The following STARD13 variants were observed in gnomAD, a reference collection of about 807,000 sequenced individuals.
STARD13 encodes the protein StAR related lipid transfer domain containing 13, also known as stAR-related lipid transfer protein 13.
In STARD13, 62 loss-of-function variants were observed where a neutral mutation model predicts 106.4. The ratio of observed to expected loss-of-function variants is 0.58; its 90% confidence interval spans 0.48 to 0.72. STARD13 has a LOEUF of 0.72. STARD13 is among the 30% of genes least tolerant of loss of function. The pLI is 0.00. For synonymous variants in STARD13, 565 were observed against 553.0 expected (o/e 1.02, Z -0.31); for missense variants, 1,387 against 1,424.0 (o/e 0.97, Z 0.42).
intron 1 of STARD13, among the ~76,000 whole-genome samples, chr13:33,189,791 C>G (rs572393383): frequency 6.6e-6 from 1 of 152,064 alleles, no homozygotes; most frequent in South Asian, 2.1e-4. Flanking sequence ...CCCGTGTCCT[C>G]CCTGTGTTCA....
At chr13:33,232,527 T>C (rs957829489) in intron 1 of STARD13, among the ~76,000 whole-genome samples, 3 of 152,204 alleles carry the variant, frequency 2.0e-5, no homozygotes, top group Admixed American at 2.0e-4. Context: ...TTAAATCTTA[T>C]ATATCCCAGG....
intron 1 of STARD13, chr13:33,280,987 T>C (rs1345901130): frequency 2.0e-5 from 3 of 152,230 alleles, no homozygotes; most frequent in Non-Finnish European, 2.9e-5. Flanking sequence ...TGTAAGCCAC[T>C]GATATATTCC....
At chr13:33,442,343 C>A in the STARD13 span, among the ~76,000 whole-genome samples, 1 of 152,060 alleles carries the variant, frequency 6.6e-6, no homozygotes, top group African/African-American at 2.4e-5. Flanking sequence ...CAGAGCTACT[C>A]ATACATTAAT....
At chr13:33,214,779 G>T (rs1415552480) in intron 1 of STARD13, among the ~76,000 whole-genome samples, 1 of 151,520 alleles carries the variant, frequency 6.6e-6, no homozygotes, top group Non-Finnish European at 1.5e-5. Context: ...TCCCAGTGCT[G>T]TGCAGTGTAT....
At chr13:33,226,926 C>G (rs572313140) in intron 1 of STARD13, among the ~76,000 whole-genome samples, 168 of 152,260 alleles carry the variant, frequency 1.1e-3, no homozygotes, top group South Asian at 2.3e-3. Context: ...TTTTAGGGAT[C>G]TTAACACATT....
the STARD13 span, among the ~76,000 whole-genome samples, chr13:33,455,241 G>A: frequency 6.6e-6 from 1 of 152,180 alleles, no homozygotes; most frequent in Admixed American, 6.5e-5. Flanking sequence ...CTCTGAACAG[G>A]ATGCAACCAT....
chr13:33,350,652 C>T (rs2078068987), upstream of STARD13: 2 of 1,281,464 alleles, frequency 1.6e-6, no homozygotes, highest in Admixed American at 8.0e-5. Context: ...TCGCCAACTC[C>T]TCTACTCCTT....
At chr13:33,152,325 GT>G (rs1246058871) in intron 3 of STARD13, among the ~76,000 whole-genome samples, 2 of 149,548 alleles carry the variant, frequency 1.3e-5, no homozygotes, top group Non-Finnish European at 3.0e-5. Context: ...TCCTTCACAT[GT>G]TTTTTTCATT....
chr13:33,255,715 C>A (rs532902224), intron 1 of STARD13, among the ~76,000 whole-genome samples: 9 of 152,242 alleles, frequency 5.9e-5, no homozygotes, highest in Non-Finnish European at 8.8e-5. Flanking sequence ...GATTTCCATC[C>A]TTAACTTCAT....
At chr13:33,576,938 A>G in the STARD13 span, among the ~76,000 whole-genome samples, 1 of 152,342 alleles carries the variant, frequency 6.6e-6, no homozygotes, top group African/African-American at 2.4e-5. Flanking sequence ...TAAAGCCACC[A>G]GCTGTCTAAT....
intron 1 of STARD13, among the ~76,000 whole-genome samples, chr13:33,207,853 C>T (rs2138124673): frequency 6.6e-6 from 1 of 152,278 alleles, no homozygotes; most frequent in East Asian, 1.9e-4. Context: ...GTGTGACAGG[C>T]ATCTGTGACC....
chr13:33,457,483 T>C, the STARD13 span, among the ~76,000 whole-genome samples: 1 of 152,212 alleles, frequency 6.6e-6, no homozygotes, highest in Admixed American at 6.5e-5. Context: ...TAAGTTATTC[T>C]ATAAGCCTGA....
rs5802676 is a variant in STARD13 at position 33,244,015 on chromosome 13, C to CT, written c.169+41454dup. 3.5e-3 allele frequency among the ~76,000 whole-genome samples: 496 copies of CT among 141,066 alleles called. 4 individuals are homozygous for CT. The highest frequency in any genetic ancestry group is 7.4e-3 in the East Asian group (35 of 4,722). 92.5% of individuals were successfully genotyped at this position (141,066 alleles called of 152,430 possible). On this transcript the variant is annotated intron_variant, in intron 1 of 13. Coordinates refer to ENST00000336934, the MANE Select transcript of STARD13 (RefSeq NM_178006.4). ...ACCAGAAGTGTTTCAGATTCCGGCT[C>CT]TTTTTTTTTTTTTTTTAATATTTGC...
At chr13:33,203,082 C>T (rs1887161729) in intron 1 of STARD13, among the ~76,000 whole-genome samples, 1 of 152,222 alleles carries the variant, frequency 6.6e-6, no homozygotes. Flanking sequence ...TCCCAACCAC[C>T]TCGTGCTACA....
the STARD13 span, among the ~76,000 whole-genome samples, chr13:33,500,063 A>G: frequency 6.6e-6 from 1 of 151,916 alleles, no homozygotes; most frequent in African/African-American, 2.4e-5. Flanking sequence ...TCCTCTTCTT[A>G]CAAAAATACT....
chr13:33,219,438 G>A (rs770717193), intron 1 of STARD13, among the ~76,000 whole-genome samples: 11 of 149,110 alleles, frequency 7.4e-5, no homozygotes, highest in African/African-American at 2.8e-4. Context: ...AAAATAGGTC[G>A]GATGCAGGAG....
At chr13:33,176,078 A>T (rs537964162) in intron 1 of STARD13, among the ~76,000 whole-genome samples, 29 of 152,318 alleles carry the variant, frequency 1.9e-4, no homozygotes, top group African/African-American at 6.0e-4. Flanking sequence ...ATGGCAAGAT[A>T]GATACAGCTT....
intron 7 of STARD13, among the ~76,000 whole-genome samples, chr13:33,122,925 C>A (rs761080289): frequency 1.3e-4 from 20 of 151,930 alleles, no homozygotes; most frequent in Middle Eastern, 6.8e-3. Flanking sequence ...TATGGTGGTG[C>A]GTGCCTGTAA....
At chr13:33,179,079 G>A (rs1884984885) in intron 1 of STARD13, among the ~76,000 whole-genome samples, 1 of 152,110 alleles carries the variant, frequency 6.6e-6, no homozygotes. Flanking sequence ...CTTAACCAAT[G>A]GCATATCTGT....
Sources: gnomAD v4.1 joint callset for allele counts (sites outside exome capture counted in the v4.1 genomes callset) on GRCh38, gnomAD v4.1.1 for gene constraint, MANE v1.5 for transcripts, NCBI Gene and HGNC (gene_info 2026-07-23, HGNC 2026-07-21) for gene names.